The following ITSN2 variants were observed in gnomAD, a reference collection of about 807,000 sequenced individuals.
ITSN2 encodes intersectin 2, also known as intersectin-2.
A neutral mutation model predicts 243.7 loss-of-function variants in ITSN2; 156 were observed. The observed-to-expected ratio is 0.64, with a 90% CI of 0.56 to 0.73. The LOEUF is 0.73. Among genes scored for constraint, ITSN2 ranks in the 30% least tolerant of loss-of-function variants. The pLI is 0.00. For synonymous variants in ITSN2, 703 were observed against 699.9 expected (o/e 1.00, Z -0.07); for missense variants, 1,801 against 1,996.1 (o/e 0.90, Z 1.86).
At chr2:24,273,645 T>C (rs1462295153) in intron 18 of ITSN2, 1 of 151,456 alleles carries the variant, frequency 6.6e-6, no homozygotes, top group Non-Finnish European at 1.5e-5. Context: ...TGGATAAGGC[T>C]CCTTGTTTAA....
chr2:24,229,026 T>G (rs1671315035), intron 29 of ITSN2, among the ~76,000 whole-genome samples: 1 of 148,760 alleles, frequency 6.7e-6, no homozygotes, highest in African/African-American at 2.5e-5. Context: ...GGAAGAAGAA[T>G]AATTCTGATC....
intron 1 of ITSN2, among the ~76,000 whole-genome samples, chr2:24,329,260 T>G (rs2384002): frequency 0.98 from 148,456 of 151,800 alleles, 72,590 homozygotes; most frequent in East Asian, 0.99. Flanking sequence ...GTTTTTTTTT[T>G]TGTTTGTTTT....
rs1208220749 is a variant in ITSN2, at chr2:24,286,252, G to A, written c.1823C>T (p.Ser608Phe). Residue 608 changes from serine (S) to phenylalanine (F), a missense_variant, in exon 16 of 40, where the codon TCT becomes TTT. Coordinates refer to ENST00000355123, the MANE Select transcript of ITSN2 (RefSeq NM_006277.3). ...AAAAGAATCCATTTCTGACAGCTTA[G>A]ATGCAGTTTCTTTTTCAAGAGCATC... ...QLDALEKETA[S>F]KLSEMDSFNN... 4.4e-6 allele frequency: 7 copies of A among 1,602,924 alleles called. No individual in the cohort carries two copies. The highest frequency in any genetic ancestry group is 6.0e-6 in the Non-Finnish European group (7 of 1,171,126).
intron 24 of ITSN2, among the ~76,000 whole-genome samples, chr2:24,252,835 G>A (rs907792215): frequency 6.6e-6 from 1 of 152,150 alleles, no homozygotes; most frequent in Non-Finnish European, 1.5e-5. Context: ...GGCTTAGTGA[G>A]ATTAAGTCAC....
intron 5 of ITSN2, 129 bp downstream of exon 5, chr2:24,312,082 CT>C (rs2151745952): frequency 1.4e-6 from 1 of 715,420 alleles, no homozygotes; most frequent in South Asian, 2.6e-5. Context: ...TTTATTATCT[CT>C]AACATGAAAA....
chr2:24,328,693 C>A (rs1685436014), intron 1 of ITSN2, among the ~76,000 whole-genome samples: 2 of 152,090 alleles, frequency 1.3e-5, no homozygotes, highest in Non-Finnish European at 2.9e-5. Flanking sequence ...AAATTCCTGG[C>A]CTCAAGTGAC....
chr2:24,296,819 T>C (rs1452686401), intron 13 of ITSN2, among the ~76,000 whole-genome samples: 1 of 152,256 alleles, frequency 6.6e-6, no homozygotes, highest in East Asian at 1.9e-4. Flanking sequence ...TGAAAAGTTT[T>C]ACTGAAGACT....
At chr2:24,353,235 TAAATAATCTACG>T (rs1688175145) in intron 1 of ITSN2, among the ~76,000 whole-genome samples, 1 of 152,082 alleles carries the variant, frequency 6.6e-6, no homozygotes, top group South Asian at 2.1e-4. Context: ...AGACCTCAAA[TAAATAATCTACG>T]AAAGAAGAAA....
chr2:24,221,189 G>T, intron 29 of ITSN2, 123 bp from the exon 30 acceptor site: 1 of 1,087,068 alleles, frequency 9.2e-7, no homozygotes, highest in Non-Finnish European at 1.3e-6. Flanking sequence ...GCCTTAAAAA[G>T]GACGCTGCTA....
At chr2:24,253,285 A>G (rs1174223387) in intron 24 of ITSN2, among the ~76,000 whole-genome samples, 1 of 152,000 alleles carries the variant, frequency 6.6e-6, no homozygotes, top group Non-Finnish European at 1.5e-5. Context: ...CCTATTTACT[A>G]TTCGCATTCC....
chr2:24,303,752 T>C, intron 9 of ITSN2, 47 bp downstream of exon 9: 1 of 1,155,644 alleles, frequency 8.7e-7, no homozygotes, highest in Non-Finnish European at 1.3e-6. Flanking sequence ...GTTTAATTAA[T>C]TAATGCATAG....
chr2:24,340,071 C>T (rs1686873753), intron 1 of ITSN2, among the ~76,000 whole-genome samples: 1 of 151,672 alleles, frequency 6.6e-6, no homozygotes, highest in African/African-American at 2.4e-5. Context: ...CAAGTAGAAG[C>T]CAAAGAGATT....
chr2:24,256,810 T>C (rs1361489766), intron 23 of ITSN2, among the ~76,000 whole-genome samples: 1 of 152,022 alleles, frequency 6.6e-6, no homozygotes, highest in East Asian at 1.9e-4. Flanking sequence ...ATAAGGGACA[T>C]TGGTTTAAAA....
At chr2:24,237,559 T>G (rs1672302032) in intron 29 of ITSN2, among the ~76,000 whole-genome samples, 1 of 152,204 alleles carries the variant, frequency 6.6e-6, no homozygotes, top group African/African-American at 2.4e-5. Flanking sequence ...GACAACTCTA[T>G]GTGGACATCC....
chr2:24,222,410 C>G (rs1193770764), intron 29 of ITSN2, among the ~76,000 whole-genome samples: 2 of 152,006 alleles, frequency 1.3e-5, no homozygotes, highest in African/African-American at 4.8e-5. Flanking sequence ...CAAAAGACTG[C>G]AAAACCACAA....
chr2:24,261,477 G>T, intron 21 of ITSN2, 84 bp downstream of exon 21: 1 of 1,118,832 alleles, frequency 8.9e-7, no homozygotes, highest in Non-Finnish European at 1.3e-6. Flanking sequence ...ACACTATGAT[G>T]AAGTAGTAGG....
chr2:24,301,333 T>C (rs982914690), intron 10 of ITSN2, 94 bp from the exon 11 acceptor site: 6 of 654,406 alleles, frequency 9.2e-6, no homozygotes, highest in Non-Finnish European at 1.6e-5. Flanking sequence ...AATTTGATAT[T>C]GGGAATACAG....
chr2:24,255,509 TCC>T (rs1260253955), intron 23 of ITSN2, among the ~76,000 whole-genome samples: 4 of 151,786 alleles, frequency 2.6e-5, no homozygotes. Context: ...ATTCCTGTAA[TCC>T]CAGTTACTTG....
chr2:24,275,316 T>C (rs1412232516), intron 18 of ITSN2, among the ~76,000 whole-genome samples: 1 of 152,226 alleles, frequency 6.6e-6, no homozygotes, highest in African/African-American at 2.4e-5. Context: ...GCCTCCCAAA[T>C]AGCTTGGGAC....
Sources: allele counts gnomAD v4.1 joint callset (sites outside exome capture counted in the v4.1 genomes callset), GRCh38; gene constraint gnomAD v4.1.1; transcripts MANE v1.5; gene names NCBI Gene and HGNC (gene_info 2026-07-23, HGNC 2026-07-21).